DOK5: variants seen among roughly 807,000 people sequenced by gnomAD.
DOK5 encodes docking protein 5, also known as downstream of tyrosine kinase 5.
DOK5 carries 27 observed loss-of-function variants against 43.3 expected under a neutral mutation model. The observed-to-expected ratio is 0.62, with a 90% confidence interval of 0.46 to 0.86. The LOEUF (loss-of-function observed/expected upper bound fraction) is 0.86. DOK5 is among the 40% of genes least tolerant of loss of function. DOK5 has a pLI of 0.00. For synonymous variants in DOK5, 146 were observed against 140.1 expected (o/e 1.04, Z -0.30); for missense variants, 373 against 392.9 (o/e 0.95, Z 0.43).
chr20:54,507,364 A>C (rs981640248), intron 1 of DOK5, among the ~76,000 whole-genome samples: 5 of 152,278 alleles, frequency 3.3e-5, no homozygotes, highest in Non-Finnish European at 5.9e-5. Flanking sequence ...CACATTAAAA[A>C]ATAAAGTGAA....
chr20:54,507,709 C>A (rs939813504), intron 1 of DOK5, among the ~76,000 whole-genome samples: 1 of 152,136 alleles, frequency 6.6e-6, no homozygotes, highest in Non-Finnish European at 1.5e-5. Flanking sequence ...TTGAAGGAAG[C>A]CCTCATGGGT....
At chr20:54,598,318 A>G (rs560044349) in intron 5 of DOK5, among the ~76,000 whole-genome samples, 1 of 152,306 alleles carries the variant, frequency 6.6e-6, no homozygotes, top group Non-Finnish European at 1.5e-5. Context: ...TTTTGTTTGA[A>G]GTTTTCTTAG....
intron 1 of DOK5, among the ~76,000 whole-genome samples, chr20:54,493,455 C>G (rs1179205592): frequency 3.3e-5 from 5 of 152,156 alleles, no homozygotes; most frequent in Non-Finnish European, 5.9e-5. Flanking sequence ...TCTTGAAAAT[C>G]CAGGAAATCT....
At chr20:54,552,113 C>T (rs1257970938) in intron 1 of DOK5, among the ~76,000 whole-genome samples, 1 of 152,222 alleles carries the variant, frequency 6.6e-6, no homozygotes, top group African/African-American at 2.4e-5. Context: ...CAGGCATGAG[C>T]CACCTTGCCC....
At chr20:54,577,438 G>GA (rs1240434694) in intron 2 of DOK5, among the ~76,000 whole-genome samples, 1 of 152,060 alleles carries the variant, frequency 6.6e-6, no homozygotes, top group African/African-American at 2.4e-5. Flanking sequence ...AAATTAAAAA[G>GA]AAAAAATGAT....
At chr20:54,507,250 C>T (rs1288728596) in intron 1 of DOK5, among the ~76,000 whole-genome samples, 6 of 151,974 alleles carry the variant, frequency 3.9e-5, no homozygotes, top group Non-Finnish European at 5.9e-5. Flanking sequence ...GTAATAACTA[C>T]ATAGAAAATA....
intron 1 of DOK5, among the ~76,000 whole-genome samples, chr20:54,513,511 C>A (rs1983087133): frequency 1.3e-5 from 2 of 148,336 alleles, no homozygotes; most frequent in Non-Finnish European, 3.0e-5. Flanking sequence ...TTGTAGGCCA[C>A]CATTTTGCCA....
chr20:54,572,776 C>T (rs1985331958), intron 2 of DOK5, among the ~76,000 whole-genome samples: 1 of 152,054 alleles, frequency 6.6e-6, no homozygotes, highest in Non-Finnish European at 1.5e-5. Context: ...CTTGTGCAGA[C>T]TTGGTCTAAA....
intron 6 of DOK5, among the ~76,000 whole-genome samples, chr20:54,620,016 A>G (rs937666022): frequency 1.6e-4 from 24 of 152,046 alleles, no homozygotes; most frequent in Non-Finnish European, 2.5e-4. Flanking sequence ...TCCCTCTTCT[A>G]TTTATGGGCT....
intron 1 of DOK5, among the ~76,000 whole-genome samples, chr20:54,525,859 C>G (rs1437480960): frequency 6.6e-6 from 1 of 152,206 alleles, no homozygotes; most frequent in East Asian, 1.9e-4. Flanking sequence ...TTCAGGCCTT[C>G]TAATGCTTCC....
At chr20:54,644,415 A>G (rs1275011789) in intron 7 of DOK5, among the ~76,000 whole-genome samples, 1 of 151,886 alleles carries the variant, frequency 6.6e-6, no homozygotes, top group Non-Finnish European at 1.5e-5. Flanking sequence ...TTACTAAAAA[A>G]AATACAAGGC....
intron 2 of DOK5, among the ~76,000 whole-genome samples, chr20:54,565,748 C>T (rs114052556): frequency 1.9e-3 from 283 of 152,116 alleles, no homozygotes; most frequent in African/African-American, 5.9e-3. Flanking sequence ...CATGGTCGGG[C>T]GCAGTGGCTC....
intron 2 of DOK5, among the ~76,000 whole-genome samples, chr20:54,564,142 G>A (rs1397616048): frequency 6.6e-6 from 1 of 152,112 alleles, no homozygotes; most frequent in Non-Finnish European, 1.5e-5. Flanking sequence ...AGACTTCTAT[G>A]GCTGGGCACG....
intron 1 of DOK5, among the ~76,000 whole-genome samples, chr20:54,539,423 T>A (rs568278183): frequency 2.6e-4 from 40 of 152,002 alleles, no homozygotes; most frequent in African/African-American, 9.6e-4. Flanking sequence ...CCTGCCTGTA[T>A]CAATGTCTGT....
At chr20:54,641,211 C>CTATGAAT (rs1314867931) in intron 6 of DOK5, among the ~76,000 whole-genome samples, 1 of 152,128 alleles carries the variant, frequency 6.6e-6, no homozygotes, top group African/African-American at 2.4e-5. Context: ...GGAATCTAAT[C>CTATGAAT]CTGTGTGATT....
chr20:54,527,981 T>C (rs547711197), intron 1 of DOK5, among the ~76,000 whole-genome samples: 1 of 152,240 alleles, frequency 6.6e-6, no homozygotes, highest in East Asian at 1.9e-4. Flanking sequence ...CTGAGATGGG[T>C]GGATCACCTG....
intron 2 of DOK5, among the ~76,000 whole-genome samples, chr20:54,567,362 G>A (rs537464814): frequency 2.9e-4 from 44 of 151,970 alleles, no homozygotes; most frequent in Admixed American, 1.2e-3. Flanking sequence ...TTTGTATTAG[G>A]AGTGAAATGT....
At chr20:54,519,864 A>AATT (rs1983331848) in intron 1 of DOK5, among the ~76,000 whole-genome samples, 1 of 152,188 alleles carries the variant, frequency 6.6e-6, no homozygotes, top group Non-Finnish European at 1.5e-5. Context: ...ATGCATTAGA[A>AATT]ATTGTAGATT....
At chr20:54,546,595 G>T (rs1019415491) in intron 1 of DOK5, among the ~76,000 whole-genome samples, 2 of 147,804 alleles carry the variant, frequency 1.4e-5, no homozygotes, top group African/African-American at 5.0e-5. Context: ...TCCCCACCTT[G>T]TGTCCAAGTG....
Sources: allele counts gnomAD v4.1 joint callset (sites outside exome capture counted in the v4.1 genomes callset), GRCh38; gene constraint gnomAD v4.1.1; transcripts MANE v1.5; gene names NCBI Gene and HGNC (gene_info 2026-07-23, HGNC 2026-07-21).